Variants in PRTFDC1 observed in about 807,000 individuals in gnomAD.
The protein encoded by PRTFDC1 is phosphoribosyltransferase domain-containing protein 1.
A neutral mutation model predicts 34.6 loss-of-function variants in PRTFDC1; 38 were observed. The observed-to-expected ratio is 1.10, with a 90% confidence interval of 0.85 to 1.44. The LOEUF (loss-of-function observed/expected upper bound fraction) is 1.44. Among genes scored for constraint, PRTFDC1 ranks in the 40% most tolerant of loss-of-function variants. The pLI is 0.00. For missense variants in PRTFDC1, 270 were observed against 283.0 expected, an observed-to-expected ratio of 0.95 and a Z score of 0.33; for synonymous variants, 93 against 98.1, an observed-to-expected ratio of 0.95 and a Z score of 0.31.
At chr10:24,873,908 C>T (rs1847919702) in intron 3 of PRTFDC1, among the ~76,000 whole-genome samples, 4 of 140,038 alleles carry the variant, frequency 2.9e-5, no homozygotes, top group African/African-American at 1.0e-4. Context: ...AATTTTTTAC[C>T]TTTTTTTTTT....
intron 3 of PRTFDC1, among the ~76,000 whole-genome samples, chr10:24,932,048 T>C (rs1848981191): frequency 6.6e-6 from 1 of 151,916 alleles, no homozygotes; most frequent in Admixed American, 6.6e-5. Flanking sequence ...AATGGAAAGA[T>C]AGTCCAACAT....
At chr10:24,850,023 T>A in intron 8 of PRTFDC1, 132 bp from the exon 9 acceptor site, 1 of 817,900 alleles carries the variant, frequency 1.2e-6, no homozygotes, top group Non-Finnish European at 2.0e-6. Context: ...TGTGTATTTA[T>A]ATGTGTGGGT....
rs540520156 is a variant in PRTFDC1, at chr10:24,876,308, A to G, written c.340-4245T>C. ...TTTTTCCTGTCTGGTAGATTGTACA[A>G]AGATTAACTGAATTAATGCATGTGG... On this transcript the variant is annotated intron_variant, in intron 3 of 8. Coordinates refer to ENST00000320152, the MANE Select transcript of PRTFDC1 (RefSeq NM_020200.7). 2.0e-5 allele frequency among the ~76,000 whole-genome samples: 3 copies of G among 152,316 alleles called. No individual in the cohort carries two copies. The South Asian group carries it at 6.2e-4, about 32-fold the overall frequency.
At chr10:24,942,472 C>T (rs1440898681) in intron 1 of PRTFDC1, 36 bp from the exon 2 acceptor site, 62 of 1,530,618 alleles carry the variant, frequency 4.1e-5, no homozygotes, top group Non-Finnish European at 5.5e-5. Context: ...GGTATTTTTT[C>T]ATCAGAAATT....
chr10:24,882,049 A>G (rs1192517707), intron 3 of PRTFDC1, among the ~76,000 whole-genome samples: 2 of 151,926 alleles, frequency 1.3e-5, no homozygotes, highest in Non-Finnish European at 2.9e-5. Context: ...TCTACTAAAA[A>G]TACAAAAATT....
chr10:24,952,189 G>A lies in PRTFDC1; in HGVS notation c.48+339C>T, dbSNP rs755794832. Among the ~76,000 whole-genome samples the A allele has an allele frequency of 1.1e-3, 160 of 152,358 alleles. No individual in the cohort carries two copies. Among genetic ancestry groups the A allele is most frequent in the East Asian group, 1.2e-3 (6 of 5,166 alleles). The stretch of plus-strand genomic sequence containing the variant: ...GAGGCCTCCAGAGCAGCACGCGGGG[G>A]TCTCTGGGGCCCTGCCGGGCTCGCA... On this transcript the variant is annotated intron_variant, in intron 1 of 8. Coordinates refer to ENST00000320152, the MANE Select transcript of PRTFDC1 (RefSeq NM_020200.7). The surrounding 1 kb of genome is among the most constrained non-coding windows in gnomAD (Gnocchi z 5.1).
chr10:24,851,359 GC>G, intron 8 of PRTFDC1, 28 bp downstream of exon 8: 2 of 1,588,846 alleles, frequency 1.3e-6, no homozygotes, highest in Non-Finnish European at 1.7e-6. Context: ...TATAAAAAGG[GC>G]GGTTAGGGAT....
At chr10:24,938,152 G>A (rs1453955132) in intron 2 of PRTFDC1, among the ~76,000 whole-genome samples, 1 of 151,854 alleles carries the variant, frequency 6.6e-6, no homozygotes, top group African/African-American at 2.4e-5. Context: ...CTTGAACCAA[G>A]GAGGCAGAGG....
intron 3 of PRTFDC1, among the ~76,000 whole-genome samples, chr10:24,887,684 T>A (rs1848194205): frequency 6.6e-6 from 1 of 152,130 alleles, no homozygotes; most frequent in Non-Finnish European, 1.5e-5. Flanking sequence ...TGGCTCTCTG[T>A]CACATCTCTG....
At chr10:24,894,852 C>T (rs1052846211) in intron 3 of PRTFDC1, among the ~76,000 whole-genome samples, 2 of 152,116 alleles carry the variant, frequency 1.3e-5, no homozygotes, top group African/African-American at 4.8e-5. Flanking sequence ...CCCTTTTGAG[C>T]CCCAAATGCA....
chr10:24,883,720 C>T (rs1004661864), intron 3 of PRTFDC1, among the ~76,000 whole-genome samples: 3 of 151,102 alleles, frequency 2.0e-5, no homozygotes, highest in African/African-American at 7.3e-5. Context: ...CCTCTTGACA[C>T]ATCTGAATGA....
At chr10:24,884,388 C>T (rs2132530227) in intron 3 of PRTFDC1, among the ~76,000 whole-genome samples, 1 of 152,212 alleles carries the variant, frequency 6.6e-6, no homozygotes, top group South Asian at 2.1e-4. Context: ...TTGACTGAAT[C>T]TATCTTCATG....
intron 3 of PRTFDC1, among the ~76,000 whole-genome samples, chr10:24,894,090 T>C (rs1848308502): frequency 6.6e-6 from 1 of 152,114 alleles, no homozygotes; most frequent in African/African-American, 2.4e-5. Context: ...CCCAGCACTT[T>C]GGGAGGCCGA....
chr10:24,898,463 C>CA (rs36004025), intron 3 of PRTFDC1, among the ~76,000 whole-genome samples: 55,885 of 97,938 alleles, frequency 0.57, 14,961 homozygotes, highest in Middle Eastern at 0.61. Flanking sequence ...GACCCTGTCT[C>CA]AAAAAAAAAA....
At chr10:24,862,964 G>T (rs1294939155) in intron 4 of PRTFDC1, among the ~76,000 whole-genome samples, 2 of 152,060 alleles carry the variant, frequency 1.3e-5, no homozygotes, top group African/African-American at 4.8e-5. Flanking sequence ...AGCAACCTCT[G>T]CCTCCTGGGT....
intron 3 of PRTFDC1, among the ~76,000 whole-genome samples, chr10:24,892,732 A>G (rs1160437438): frequency 6.6e-6 from 1 of 151,990 alleles, no homozygotes; most frequent in Non-Finnish European, 1.5e-5. Flanking sequence ...GCAGAAAGAG[A>G]CTGGGGTATT....
chr10:24,939,592 A>G lies in PRTFDC1; in HGVS notation c.156-2225T>C, dbSNP rs552581407. Among the ~76,000 whole-genome samples, 4 of 152,048 alleles carry G rather than the reference A, an allele frequency of 2.6e-5. No homozygotes were observed. The East Asian group carries it at 5.8e-4, about 22-fold the overall frequency. Reference sequence around the variant, plus strand: ...CAGATCCCTTCAGGTCAGGAGATCAAGACCATCCTGGCCAACATGGTGAAA... The same window carrying G: ...CAGATCCCTTCAGGTCAGGAGATCAGGACCATCCTGGCCAACATGGTGAAA... On this transcript the variant is annotated intron_variant, in intron 2 of 8. Coordinates refer to ENST00000320152, the MANE Select transcript of PRTFDC1 (RefSeq NM_020200.7).
intron 3 of PRTFDC1, among the ~76,000 whole-genome samples, chr10:24,879,553 G>A (rs1484630226): frequency 4.0e-5 from 6 of 151,806 alleles, no homozygotes; most frequent in East Asian, 1.9e-4. Flanking sequence ...TCACCATGTC[G>A]GCTAGGCTGG....
chr10:24,886,433 G>C lies in PRTFDC1; in HGVS notation c.340-14370C>G, dbSNP rs76229218. Among the ~76,000 whole-genome samples, 554 of 152,210 alleles carry C rather than the reference G, an allele frequency of 3.6e-3. 4 individuals are homozygous for C. The highest frequency in any genetic ancestry group is 0.013 in the African/African-American group (526 of 41,528). ...GAGCCAGGCTGGAGATTTCACATAC[G>C]ACCCCATCTTGCTCCAAAGCCTCCA... On this transcript the variant is annotated intron_variant, in intron 3 of 8. Transcript: ENST00000320152.
Sources: gnomAD v4.1 joint callset for allele counts (sites outside exome capture counted in the v4.1 genomes callset) on GRCh38, gnomAD v4.1.1 for gene constraint, Gnocchi (gnomAD v3.1) non-coding constraint, MANE v1.5 for transcripts, NCBI Gene and HGNC (gene_info 2026-07-23, HGNC 2026-07-21) for gene names.